The following KIF21A variants were observed in gnomAD, a reference collection of about 807,000 sequenced individuals.
KIF21A encodes kinesin family member 21A.
A neutral mutation model predicts 202.9 loss-of-function variants in KIF21A; 114 were observed. The observed-to-expected ratio is 0.56, with a 90% confidence interval of 0.48 to 0.66. KIF21A has a LOEUF of 0.66. KIF21A is among the 30% of genes least tolerant of loss of function. The probability of loss-of-function intolerance (pLI) is 0.00; values close to 1 mark genes in which losing one functional copy is unlikely to be tolerated. For missense variants in KIF21A, 1,677 were observed against 1,994.9 expected (o/e 0.84, Z 3.04); for synonymous variants, 667 against 670.8 (o/e 0.99, Z 0.09).
chr12:39,363,277 TA>T (rs1318044313), intron 6 of KIF21A, 64 bp from the exon 7 acceptor site: 1 of 936,106 alleles, frequency 1.1e-6, no homozygotes, highest in Non-Finnish European at 1.7e-6. Context: ...CAATTTTAAA[TA>T]AAGAAAGTTT....
intron 1 of KIF21A, among the ~76,000 whole-genome samples, chr12:39,415,433 G>A (rs1334051690): frequency 2.0e-5 from 3 of 151,652 alleles, no homozygotes; most frequent in Non-Finnish European, 4.4e-5. Flanking sequence ...ATAGAGACGG[G>A]GTTTCACCGC....
At chr12:39,321,331 A>G (rs1190723116) in intron 27 of KIF21A, 1 of 152,226 alleles carries the variant, frequency 6.6e-6, no homozygotes, top group Non-Finnish European at 1.5e-5. Context: ...TAAAATGTAA[A>G]AAGACAAATA....
chr12:39,434,032 C>T (rs1360552907), intron 1 of KIF21A, among the ~76,000 whole-genome samples: 4 of 152,160 alleles, frequency 2.6e-5, no homozygotes, highest in Admixed American at 6.5e-5. Context: ...ACATGCCCAT[C>T]GTTGGTGTCC....
At chr12:39,302,850 G>A in intron 36 of KIF21A, 115 bp downstream of exon 36, 1 of 938,828 alleles carries the variant, frequency 1.1e-6, no homozygotes, top group South Asian at 1.3e-5. Context: ...AAAAAGGCCT[G>A]ATTAATATTA....
At chr12:39,393,739 A>G (rs953733960) in intron 1 of KIF21A, among the ~76,000 whole-genome samples, 1 of 152,220 alleles carries the variant, frequency 6.6e-6, no homozygotes, top group African/African-American at 2.4e-5. Flanking sequence ...CTGTGCTTGC[A>G]GTGGAGTGAG....
intron 34 of KIF21A, among the ~76,000 whole-genome samples, chr12:39,305,906 T>TCATATATACACATATATGCA (rs1943426875): frequency 6.6e-6 from 1 of 152,190 alleles, no homozygotes; most frequent in South Asian, 2.1e-4. Context: ...TGCATGTACA[T>TCATATATACACATATATGCA]CATATATACA....
At chr12:39,355,336 G>C (rs941646453) in intron 10 of KIF21A, among the ~76,000 whole-genome samples, 1 of 152,162 alleles carries the variant, frequency 6.6e-6, no homozygotes. Context: ...TTGCCTAATA[G>C]TGACATAAAG....
At chr12:39,346,379 A>G (rs1416694914) in intron 12 of KIF21A, 87 bp downstream of exon 12, 5 of 918,786 alleles carry the variant, frequency 5.4e-6, no homozygotes, top group Non-Finnish European at 7.3e-6. Context: ...GTCTGAAACA[A>G]TCTATAATAC....
intron 17 of KIF21A, 69 bp from the exon 18 acceptor site, chr12:39,333,349 A>C: frequency 8.6e-7 from 1 of 1,162,550 alleles, no homozygotes; most frequent in Admixed American, 1.7e-5. Context: ...TCCTATATGA[A>C]TATATTTCCC....
intron 1 of KIF21A, among the ~76,000 whole-genome samples, chr12:39,411,850 T>G (rs1953111699): frequency 6.6e-6 from 1 of 152,152 alleles, no homozygotes; most frequent in African/African-American, 2.4e-5. Flanking sequence ...TGCTAATTTT[T>G]TTTTTAAACA....
intron 1 of KIF21A, among the ~76,000 whole-genome samples, chr12:39,409,306 GC>G (rs1341052671): frequency 6.6e-6 from 1 of 151,118 alleles, no homozygotes; most frequent in Non-Finnish European, 1.5e-5. Flanking sequence ...GATTGCTTGA[GC>G]CCAGGAGTTC....
chr12:39,302,675 C>T (rs886495358), intron 36 of KIF21A, among the ~76,000 whole-genome samples: 2 of 152,166 alleles, frequency 1.3e-5, no homozygotes, highest in African/African-American at 4.8e-5. Flanking sequence ...TGCAACTGCT[C>T]TACTCCCAGG....
At chr12:39,384,953 G>A (rs534131586) in intron 1 of KIF21A, among the ~76,000 whole-genome samples, 96 of 152,276 alleles carry the variant, frequency 6.3e-4, no homozygotes, top group African/African-American at 2.2e-3. Flanking sequence ...TTCTCATAGT[G>A]TGTCAGCTTA....
At chr12:39,436,448 A>ATATATATTTTTT (rs1387332677) in intron 1 of KIF21A, among the ~76,000 whole-genome samples, 2 of 95,764 alleles carry the variant, frequency 2.1e-5, no homozygotes, top group Non-Finnish European at 4.0e-5. Flanking sequence ...ATATATATAT[A>ATATATATTTTTT]TTTTTTTTTT....
chr12:39,418,247 C>G (rs1953946450), intron 1 of KIF21A, among the ~76,000 whole-genome samples: 1 of 149,946 alleles, frequency 6.7e-6, no homozygotes, highest in Non-Finnish European at 1.5e-5. Context: ...ATCCAGAAAA[C>G]ATTGATTTTG....
intron 23 of KIF21A, 36 bp downstream of exon 23, chr12:39,330,710 T>C (rs759267265): frequency 1.2e-6 from 2 of 1,602,806 alleles, no homozygotes; most frequent in Admixed American, 1.7e-5. Context: ...AAAGCTACCA[T>C]GCAAATTCAT....
intron 11 of KIF21A, among the ~76,000 whole-genome samples, chr12:39,348,865 G>GA (rs1368289575): frequency 6.6e-6 from 1 of 151,528 alleles, no homozygotes; most frequent in Non-Finnish European, 1.5e-5. Flanking sequence ...AACATATTTT[G>GA]TTGTATGGAT....
At chr12:39,379,460 G>A (rs1321250190) in intron 1 of KIF21A, among the ~76,000 whole-genome samples, 1 of 152,002 alleles carries the variant, frequency 6.6e-6, no homozygotes, top group Non-Finnish European at 1.5e-5. Flanking sequence ...GATGAAAGAT[G>A]CTACCAAAAG....
intron 1 of KIF21A, among the ~76,000 whole-genome samples, chr12:39,402,739 A>G (rs1203784323): frequency 6.6e-6 from 1 of 152,152 alleles, no homozygotes; most frequent in Admixed American, 6.5e-5. Context: ...AAACATTATT[A>G]GTTTTTTTGG....
Sources: gnomAD v4.1 joint callset for allele counts (sites outside exome capture counted in the v4.1 genomes callset) on GRCh38, gnomAD v4.1.1 for gene constraint, MANE v1.5 for transcripts, NCBI Gene and HGNC (gene_info 2026-07-23, HGNC 2026-07-21) for gene names.